DGAT2: variants seen among roughly 807,000 people sequenced by gnomAD.
The protein encoded by DGAT2 is diacylglycerol O-acyltransferase 2, also known as acyl-CoA retinol O-fatty-acyltransferase.
A neutral mutation model predicts 48.4 loss-of-function variants in DGAT2; 33 were observed. The ratio of observed to expected loss-of-function variants is 0.68; its 90% CI spans 0.52 to 0.91. The LOEUF (loss-of-function observed/expected upper bound fraction) is 0.91. Ranked by LOEUF, DGAT2 falls within the 40% of genes least tolerant of loss-of-function variation. The probability of loss-of-function intolerance (pLI) is 0.00; values close to 1 mark genes in which losing one functional copy is unlikely to be tolerated. For synonymous variants in DGAT2, 191 were observed against 194.1 expected (o/e 0.98, Z 0.13); for missense variants, 446 against 493.7 (o/e 0.90, Z 0.92).
intron 7 of DGAT2, 39 bp downstream of exon 7, chr11:75,798,468 A>G: frequency 1.9e-6 from 3 of 1,603,036 alleles, no homozygotes; most frequent in African/African-American, 1.3e-5. Flanking sequence ...TGTCCTGAAC[A>G]CAGGGTGCCA....
At chr11:75,778,195 C>A (rs901831710) in intron 1 of DGAT2, among the ~76,000 whole-genome samples, 15 of 151,602 alleles carry the variant, frequency 9.9e-5, no homozygotes, top group Non-Finnish European at 1.8e-4. Context: ...AGTCACTCAC[C>A]CCCCTTTCTG....
At chr11:75,769,263 GC>G (rs1450758261) in intron 1 of DGAT2, 151 bp downstream of exon 1, 3 of 1,007,792 alleles carry the variant, frequency 3.0e-6, no homozygotes, top group Non-Finnish European at 4.0e-6. Flanking sequence ...CTTTCCACCC[GC>G]CCCCCAGCTT....
intron 1 of DGAT2, chr11:75,776,985 CTGTT>C (rs1427613528): frequency 2.6e-5 from 4 of 152,446 alleles, no homozygotes; most frequent in African/African-American, 9.6e-5. Context: ...TCTTAAAAAA[CTGTT>C]TGCTCTCTCT....
intron 4 of DGAT2, 105 bp downstream of exon 4, chr11:75,790,836 C>A: frequency 9.0e-7 from 1 of 1,105,448 alleles, no homozygotes; most frequent in South Asian, 1.3e-5. Context: ...AAGTTGGTCT[C>A]TTCATTTCCT....
intron 4 of DGAT2, among the ~76,000 whole-genome samples, chr11:75,791,197 G>A (rs1334833068): frequency 6.6e-6 from 1 of 152,252 alleles, no homozygotes; most frequent in African/African-American, 2.4e-5. Flanking sequence ...GAGGCAGCAC[G>A]TGAATGTGAA....
At chr11:75,786,969 A>T (rs1403735908) in intron 2 of DGAT2, among the ~76,000 whole-genome samples, 2 of 152,226 alleles carry the variant, frequency 1.3e-5, no homozygotes, top group African/African-American at 4.8e-5. Context: ...CTGATTAGAC[A>T]TGTAGTAACA....
At chr11:75,780,748 T>A (rs1292988533) in intron 1 of DGAT2, among the ~76,000 whole-genome samples, 1 of 152,216 alleles carries the variant, frequency 6.6e-6, no homozygotes, top group African/African-American at 2.4e-5. Context: ...TGGGCCTGAA[T>A]TGGGTTCAGC....
At chr11:75,778,419 C>T (rs1419971060) in intron 1 of DGAT2, among the ~76,000 whole-genome samples, 1 of 152,194 alleles carries the variant, frequency 6.6e-6, no homozygotes, top group Non-Finnish European at 1.5e-5. Context: ...CCATGAGCCT[C>T]TGGAAAAACT....
At position 75,797,283 on chromosome 11, in the gene DGAT2, G is replaced by C; in HGVS notation, c.760G>C (p.Val254Leu). 6.4e-7 allele frequency: 1 copy of C among 1,569,380 alleles called. No homozygotes were observed. Among genetic ancestry groups the C allele is most frequent in the Non-Finnish European group, 8.6e-7 (1 of 1,157,518 alleles). ...SLSSMPGKNA[V>L]TLRNRKGFVK... ...GAGCTCCATGCCTGGCAAGAATGCA[G>C]TCACCCTGCGGAACCGCAAGGGCTT... Residue 254 changes from valine to leucine, a missense_variant, in exon 6 of 8, where the codon GTC (valine) becomes CTC (leucine). Val to Leu is a conservative substitution (Grantham distance 32). Coordinates refer to ENST00000228027, the MANE Select transcript of DGAT2 (RefSeq NM_032564.5).
At chr11:75,798,530 G>C (rs1013846210) in intron 7 of DGAT2, 101 bp downstream of exon 7, 2 of 1,325,688 alleles carry the variant, frequency 1.5e-6, no homozygotes, top group African/African-American at 1.5e-5. Context: ...ACCTGGCTCT[G>C]ATGGCCATGC....
intron 7 of DGAT2, 112 bp downstream of exon 7, chr11:75,798,541 C>A: frequency 1.6e-6 from 2 of 1,219,010 alleles, no homozygotes; most frequent in Non-Finnish European, 1.1e-6. Context: ...ATGGCCATGC[C>A]CTTAGCCATG....
chr11:75,768,859 A>C lies in DGAT2; in HGVS notation c.-133A>C. ...CGCCGGCCGCAGCTCCAGGTGTCCT[A>C]GCCGCCCAGCCTCGACGCCGTCCCG... is the stretch of plus-strand genomic sequence containing the variant. On this transcript the variant is annotated 5_prime_UTR_variant, in exon 1 of 8. Coordinates refer to ENST00000228027, the MANE Select transcript of DGAT2 (RefSeq NM_032564.5). 1 of 1,197,058 alleles carries C rather than the reference A, an allele frequency of 8.4e-7. No homozygotes were observed. Among genetic ancestry groups the C allele is most frequent in the Non-Finnish European group, 1.1e-6 (1 of 930,346 alleles). 74.2% of individuals were successfully genotyped at this position (1,197,058 alleles called of 1,614,324 possible). A position where few individuals can be genotyped will look rare whatever the true frequency, so the allele number is the denominator to read the frequency against.
At chr11:75,784,584 G>T (rs1200722219) in intron 1 of DGAT2, 34 bp from the exon 2 acceptor site, 2 of 1,612,116 alleles carry the variant, frequency 1.2e-6, no homozygotes. Flanking sequence ...GGAGAGAAGG[G>T]TGACAGTGGA....
intron 7 of DGAT2, among the ~76,000 whole-genome samples, chr11:75,799,696 C>T (rs1945091913): frequency 6.6e-6 from 1 of 151,902 alleles, no homozygotes; most frequent in Admixed American, 6.6e-5. Context: ...TCACTGTAAC[C>T]TCTGCCTCCT....
At chr11:75,796,663 C>T in intron 5 of DGAT2, 131 bp downstream of exon 5, 3 of 916,232 alleles carry the variant, frequency 3.3e-6, no homozygotes, top group Admixed American at 2.6e-5. Context: ...ATGCAACCTG[C>T]TTCAGACATG....
chr11:75,799,638 G>A (rs1038019994), intron 7 of DGAT2, among the ~76,000 whole-genome samples: 1 of 150,884 alleles, frequency 6.6e-6, no homozygotes, highest in Non-Finnish European at 1.5e-5. Flanking sequence ...TTTTGAGACA[G>A]GGTCTCATTC....
chr11:75,799,675 G>A (rs868827678), intron 7 of DGAT2, among the ~76,000 whole-genome samples: 6 of 151,342 alleles, frequency 4.0e-5, no homozygotes, highest in Non-Finnish European at 5.9e-5. Context: ...GTGCAGTGGC[G>A]CAATCTCGGC....
intron 1 of DGAT2, chr11:75,776,496 CCAGTGCT>C (rs886705072): frequency 5.2e-5 from 8 of 152,388 alleles, no homozygotes; most frequent in African/African-American, 1.9e-4. Flanking sequence ...CTCTAGCAGG[CCAGTGCT>C]CAGTGCCTGG....
chr11:75,784,870 A>G (rs1340342956), intron 2 of DGAT2, 124 bp downstream of exon 2: 2 of 1,322,732 alleles, frequency 1.5e-6, no homozygotes, highest in Non-Finnish European at 2.1e-6. Flanking sequence ...ATGCTGCCCC[A>G]CAGCACCTTT....
Sources: allele counts gnomAD v4.1 joint callset (sites outside exome capture counted in the v4.1 genomes callset), GRCh38; gene constraint gnomAD v4.1.1; transcripts MANE v1.5; gene names NCBI Gene and HGNC (gene_info 2026-07-23, HGNC 2026-07-21).